TTLL7: variants seen among roughly 807,000 people sequenced by gnomAD.
TTLL7 encodes tubulin polyglutamylase TTLL7.
A neutral mutation model predicts 120.2 loss-of-function variants in TTLL7; 53 were observed. The observed-to-expected ratio is 0.44, with a 90% CI of 0.35 to 0.55. The LOEUF (loss-of-function observed/expected upper bound fraction) is 0.55. Among genes scored for constraint, TTLL7 ranks in the 20% least tolerant of loss-of-function variants. The probability of loss-of-function intolerance (pLI) is 0.00; values close to 1 mark genes in which losing one functional copy is unlikely to be tolerated. For synonymous variants in TTLL7, 353 were observed against 351.7 expected, an observed-to-expected ratio of 1.00 and a Z score of -0.04; for missense variants, 803 against 1,054.7, an observed-to-expected ratio of 0.76 and a Z score of 3.31.
intron 14 of TTLL7, 22 bp downstream of exon 14, chr1:83,917,582 G>A: frequency 6.5e-7 from 1 of 1,533,396 alleles, no homozygotes; most frequent in South Asian, 1.1e-5. Context: ...TGATAAGTAA[G>A]GAAGGTAGAG....
chr1:83,970,079 C>A (rs1650838854), intron 1 of TTLL7, among the ~76,000 whole-genome samples: 2 of 151,840 alleles, frequency 1.3e-5, no homozygotes. Flanking sequence ...GAATCATACA[C>A]CAGGATAAAT....
rs1171299360 is a variant in TTLL7 at position 83,914,323 on chromosome 1, CTTTTT to C, written c.1588-2965_1588-2961del. Among the ~76,000 whole-genome samples the C allele has an allele frequency of 5.4e-4, 42 of 78,278 alleles. No homozygotes were observed. In the South Asian group the frequency reaches 0.017, roughly 32 times the overall value. The allele number at this position is 78,278 out of a possible 152,430, so 51.4% of individuals were successfully genotyped here. ...TAAATGTTCTTCCACCTCTCTCTCT[CTTTTT>C]TTTTTTTTTTTTTTTTTTTTGTGAG... On this transcript the variant is annotated intron_variant, in intron 14 of 20. Coordinates refer to ENST00000260505, the MANE Select transcript of TTLL7 (RefSeq NM_024686.6).
intron 20 of TTLL7, among the ~76,000 whole-genome samples, chr1:83,871,439 T>C (rs904361883): frequency 1.3e-5 from 2 of 152,124 alleles, no homozygotes; most frequent in Admixed American, 1.3e-4. Context: ...AAAGTGTAAG[T>C]CCTAGTAATG....
chr1:83,956,654 T>TC (rs1021673695), intron 1 of TTLL7, among the ~76,000 whole-genome samples: 1 of 152,174 alleles, frequency 6.6e-6, no homozygotes, highest in African/African-American at 2.4e-5. Flanking sequence ...GGTCTCGAAC[T>TC]CCCGACCTCA....
At chr1:83,967,954 A>C (rs933376755) in intron 1 of TTLL7, among the ~76,000 whole-genome samples, 3 of 152,056 alleles carry the variant, frequency 2.0e-5, no homozygotes, top group Non-Finnish European at 4.4e-5. Context: ...ACTTTTATTC[A>C]AGAAAAACTA....
Position 83,866,220 on chromosome 1 carries a change from TAGAAAATCA to T in TTLL7, c.*3733_*3741del, listed in dbSNP as rs1164424449. The T allele has an allele frequency of 6.6e-6, 1 of 151,894 alleles. No individual in the cohort carries two copies. Among genetic ancestry groups the T allele is most frequent in the Non-Finnish European group, 1.5e-5 (1 of 67,788 alleles). 9.4% of individuals were successfully genotyped at this position (151,894 alleles called of 1,614,324 possible). On this transcript the variant is annotated 3_prime_UTR_variant, in exon 21 of 21. Coordinates refer to ENST00000260505, the MANE Select transcript of TTLL7 (RefSeq NM_024686.6). ...CATTTAAGAATGAATCAATGTTTTTTAGAAAATCAAATAATGGCATTTCTGCAGCTATCA... is the reference window on the plus strand; with the variant it reads ...CATTTAAGAATGAATCAATGTTTTTTAATAATGGCATTTCTGCAGCTATCA...
chr1:83,889,476 G>A (rs1655261280), intron 19 of TTLL7, among the ~76,000 whole-genome samples: 2 of 151,946 alleles, frequency 1.3e-5, no homozygotes, highest in African/African-American at 4.8e-5. Flanking sequence ...TGGAGTCAAG[G>A]CTAAATGAGT....
At chr1:83,940,899 C>T (rs539590232) in intron 7 of TTLL7, among the ~76,000 whole-genome samples, 1 of 152,242 alleles carries the variant, frequency 6.6e-6, no homozygotes, top group South Asian at 2.1e-4. Flanking sequence ...TTCCTTTTAT[C>T]TTAAGTTAAA....
chr1:83,876,227 C>A (rs1057087453), intron 20 of TTLL7, among the ~76,000 whole-genome samples: 1 of 151,920 alleles, frequency 6.6e-6, no homozygotes, highest in African/African-American at 2.4e-5. Flanking sequence ...TAAATCAAGT[C>A]TCCAGGTAGG....
intron 14 of TTLL7, among the ~76,000 whole-genome samples, chr1:83,911,954 GA>G (rs1657715006): frequency 6.6e-6 from 1 of 152,026 alleles, no homozygotes; most frequent in Non-Finnish European, 1.5e-5. Context: ...CAATGTGCAG[GA>G]AGAAGTTAGG....
chr1:83,951,837 A>G lies in TTLL7; in HGVS notation c.157+8T>C, dbSNP rs778240273. On this transcript the variant is annotated splice_region_variant and intron_variant, in intron 3 of 20. Transcript: ENST00000260505. The stretch of plus-strand genomic sequence containing the variant: ...GAGAATCCCATGATTGCTTCTAAGG[A>G]AACCTACCAATTTCAAACTTTGTCC... 2.6e-5 allele frequency: 42 copies of G among 1,603,868 alleles called. No individual in the cohort carries two copies. Among genetic ancestry groups the G allele is most frequent in the Non-Finnish European group, 3.1e-5 (37 of 1,177,270 alleles).
At chr1:83,990,725 G>T (rs1182872094) in intron 1 of TTLL7, among the ~76,000 whole-genome samples, 1 of 152,188 alleles carries the variant, frequency 6.6e-6, no homozygotes, top group South Asian at 2.1e-4. Context: ...AGGAGAAATT[G>T]TAACACCTGT....
chr1:83,912,096 T>C (rs1249332338), intron 14 of TTLL7, among the ~76,000 whole-genome samples: 2 of 152,170 alleles, frequency 1.3e-5, no homozygotes, highest in Middle Eastern at 3.2e-3. Context: ...GCACGTAGCT[T>C]CTGGCCATAA....
chr1:83,966,828 G>T (rs1228150628), intron 1 of TTLL7, among the ~76,000 whole-genome samples: 1 of 151,946 alleles, frequency 6.6e-6, no homozygotes. Context: ...AAAATTTGCA[G>T]AATCCATGTC....
In TTLL7 at chr1:83,867,746, T is replaced by C. The variant is rs1653014011; in HGVS notation, c.*2216A>G. On this transcript the variant is annotated 3_prime_UTR_variant, in exon 21 of 21. Transcript: ENST00000260505. ...ATATCAGACACTTATATATATATTT[T>C]TGTGGCCAAATCATGAATTTAAAAG... 1 of 152,080 alleles carries C rather than the reference T, an allele frequency of 6.6e-6. No homozygotes were observed. The highest frequency in any genetic ancestry group is 1.5e-5 in the Non-Finnish European group (1 of 67,952). The allele number at this position is 152,080 out of a possible 1,614,324, so 9.4% of individuals were successfully genotyped here. A position where few individuals can be genotyped will look rare whatever the true frequency, so the allele number is the denominator to read the frequency against.
intron 1 of TTLL7, among the ~76,000 whole-genome samples, chr1:83,982,852 CTAAGCAAAA>C (rs1652095603): frequency 6.6e-6 from 1 of 152,104 alleles, no homozygotes; most frequent in African/African-American, 2.4e-5. Context: ...CCAAACAATC[CTAAGCAAAA>C]AGGACAAAGC....
rs538292964 is a variant in TTLL7 at position 83,919,286 on chromosome 1, G to GTT, written c.1500+412_1500+413insAA. On this transcript the variant is annotated intron_variant, in intron 13 of 20. Transcript: ENST00000260505. ...TGTGTGTGTGTGTGTGTGTGTGTGT[G>GTT]TGTGTGTTTCATTTACTTCCTCTCA... Among the ~76,000 whole-genome samples the GTT allele has an allele frequency of 4.2e-4, 63 of 151,032 alleles. 1 individual carries two copies. In the South Asian group the frequency reaches 0.013, roughly 31 times the overall value.
At chr1:83,954,739 AAAT>A (rs1649359470) in intron 1 of TTLL7, among the ~76,000 whole-genome samples, 1 of 152,210 alleles carries the variant, frequency 6.6e-6, no homozygotes, top group African/African-American at 2.4e-5. Flanking sequence ...ACAATGCAAC[AAAT>A]AATAGCTAAT....
Position 83,947,206 on chromosome 1 carries a change from G to C in TTLL7, c.424C>G (p.Gln142Glu), listed in dbSNP as rs746644257. ...TTCTTCAATTCTTTCACATAATTTT[G>C]GAATTGAGTATATTCAGCAGGAAAG... ...WIFPAEYTQFQNYVKELKKKR... is the reference protein window; with the variant it reads ...WIFPAEYTQFENYVKELKKKR... The change falls in exon 6 of 21, where the codon CAA (glutamine) becomes GAA (glutamate). Residue 142 changes from glutamine to glutamate, a missense_variant. Physicochemically the swap from Gln to Glu is conservative, Grantham distance 29 (BLOSUM62 2). Transcript: ENST00000260505. 1 of 1,612,316 alleles carries C rather than the reference G, an allele frequency of 6.2e-7. No individual in the cohort carries two copies.
Sources: allele counts gnomAD v4.1 joint callset (sites outside exome capture counted in the v4.1 genomes callset), GRCh38; gene constraint gnomAD v4.1.1; transcripts MANE v1.5; gene names NCBI Gene and HGNC (gene_info 2026-07-23, HGNC 2026-07-21).